Variants in DEPTOR observed in about 807,000 individuals in gnomAD.
The protein encoded by DEPTOR is DEP domain containing MTOR interacting protein.
Under a neutral mutation model 41.6 loss-of-function variants are expected in DEPTOR, and 41 were observed. That is an observed-to-expected ratio of 0.98 (90% CI 0.77 to 1.28). The LOEUF is 1.28. Ranked by LOEUF, DEPTOR falls within the 50% of genes most tolerant of loss-of-function variation. The pLI is 0.00. For missense variants in DEPTOR, 514 were observed against 527.9 expected (o/e 0.97, Z 0.26); for synonymous variants, 195 against 192.3 (o/e 1.01, Z -0.12).
At chr8:119,931,757 G>T (rs1339114228) in intron 3 of DEPTOR, among the ~76,000 whole-genome samples, 1 of 152,006 alleles carries the variant, frequency 6.6e-6, no homozygotes, top group East Asian at 1.9e-4. Context: ...TTGTTTACTT[G>T]AACATGTGCA....
intron 1 of DEPTOR, chr8:119,874,174 G>A (rs1827202672): frequency 3.9e-6 from 3 of 775,212 alleles, no homozygotes; most frequent in South Asian, 4.1e-5. Context: ...AAGCGGGGCT[G>A]CCTGGCAGAA....
chr8:120,023,224 T>A (rs1468588718), intron 8 of DEPTOR, among the ~76,000 whole-genome samples: 1 of 152,028 alleles, frequency 6.6e-6, no homozygotes, highest in African/African-American at 2.4e-5. Context: ...TAACTTTAAT[T>A]ACTTTCTTTT....
chr8:119,956,739 T>G (rs151013168), intron 3 of DEPTOR, among the ~76,000 whole-genome samples: 128 of 106,678 alleles, frequency 1.2e-3, no homozygotes, highest in African/African-American at 4.4e-3. Flanking sequence ...TTTTTTTTTT[T>G]GTTTTTTTTT....
chr8:120,048,516 C>T (rs543978653), intron 8 of DEPTOR, among the ~76,000 whole-genome samples: 191 of 152,130 alleles, frequency 1.3e-3, no homozygotes, highest in Non-Finnish European at 2.2e-3. Flanking sequence ...TTTGTGGAAC[C>T]AAGAAAAGAG....
intron 3 of DEPTOR, among the ~76,000 whole-genome samples, chr8:119,935,271 C>T (rs925637401): frequency 6.6e-6 from 1 of 152,140 alleles, no homozygotes; most frequent in Non-Finnish European, 1.5e-5. Context: ...CCAAACAGTA[C>T]AATTTTTACT....
chr8:119,947,481 T>G (rs983528913), intron 3 of DEPTOR, among the ~76,000 whole-genome samples: 1 of 152,168 alleles, frequency 6.6e-6, no homozygotes, highest in African/African-American at 2.4e-5. Flanking sequence ...CTTTTTCCCA[T>G]CGACCCTAGA....
intron 1 of DEPTOR, among the ~76,000 whole-genome samples, chr8:119,901,057 GATTTTAAGA>G (rs1479018539): frequency 6.6e-6 from 1 of 152,162 alleles, no homozygotes; most frequent in Non-Finnish European, 1.5e-5. Flanking sequence ...AAGACTCAGA[GATTTTAAGA>G]ATTGAATCTC....
chr8:119,950,241 T>G (rs905612387), intron 3 of DEPTOR, among the ~76,000 whole-genome samples: 4 of 152,150 alleles, frequency 2.6e-5, no homozygotes, highest in African/African-American at 9.7e-5. Flanking sequence ...TAAAACACCT[T>G]GGTTGAATAA....
intron 4 of DEPTOR, among the ~76,000 whole-genome samples, chr8:120,000,574 T>A (rs1206356936): frequency 1.3e-5 from 2 of 151,986 alleles, no homozygotes; most frequent in Non-Finnish European, 2.9e-5. Flanking sequence ...GTGATTCTTA[T>A]GCCTCAGCCT....
chr8:120,031,634 A>G (rs932658097), intron 8 of DEPTOR, among the ~76,000 whole-genome samples: 2 of 152,000 alleles, frequency 1.3e-5, no homozygotes, highest in African/African-American at 4.8e-5. Flanking sequence ...CCCAGACATC[A>G]GTGCCAGCAC....
chr8:119,882,805 T>C (rs1017158110), intron 1 of DEPTOR, among the ~76,000 whole-genome samples: 4 of 152,126 alleles, frequency 2.6e-5, no homozygotes, highest in African/African-American at 9.7e-5. Context: ...GATTAGGAAA[T>C]GACAAAGGAA....
At chr8:119,991,030 T>TTTTCTTTTCTTTTCTTTC (rs1812150925) in intron 4 of DEPTOR, among the ~76,000 whole-genome samples, 1 of 53,698 alleles carries the variant, frequency 1.9e-5, no homozygotes, top group South Asian at 5.5e-4. Flanking sequence ...TCGGGTTTTC[T>TTTTCTTTTCTTTTCTTTC]TTTCTTTCTT....
At chr8:120,030,616 C>T (rs1484994337) in intron 8 of DEPTOR, among the ~76,000 whole-genome samples, 1 of 143,500 alleles carries the variant, frequency 7.0e-6, no homozygotes, top group African/African-American at 2.6e-5. Flanking sequence ...AAGCAATTCT[C>T]ATGCCTCAGA....
chr8:120,015,069 G>T (rs1277179191), intron 8 of DEPTOR, among the ~76,000 whole-genome samples: 15 of 152,050 alleles, frequency 9.9e-5, no homozygotes, highest in Admixed American at 9.8e-4. Flanking sequence ...TGCCTCTCAA[G>T]AAAATCTAAT....
intron 4 of DEPTOR, among the ~76,000 whole-genome samples, chr8:119,980,781 G>T (rs1197014265): frequency 6.6e-6 from 1 of 151,686 alleles, no homozygotes; most frequent in Non-Finnish European, 1.5e-5. Context: ...GCCTTCCAAA[G>T]TGCTGGGATT....
chr8:119,917,978 T>C lies in DEPTOR; in HGVS notation c.123-10422T>C, dbSNP rs537305083. On this transcript the variant is annotated intron_variant, in intron 1 of 8. Coordinates refer to ENST00000286234, the MANE Select transcript of DEPTOR (RefSeq NM_022783.4). Reference sequence around the variant, plus strand: ...GCACAGCACTTAATTCTTTACCTTGTTTATGATGCAGAGAACTTTGTTCAT... The same window carrying C: ...GCACAGCACTTAATTCTTTACCTTGCTTATGATGCAGAGAACTTTGTTCAT... Among the ~76,000 whole-genome samples, 10 of 152,324 alleles carry C rather than the reference T, an allele frequency of 6.6e-5. No homozygotes were observed. In the East Asian group the frequency reaches 1.7e-3, roughly 26 times the overall value.
intron 1 of DEPTOR, among the ~76,000 whole-genome samples, chr8:119,912,364 G>A (rs1023010226): frequency 9.2e-5 from 14 of 152,184 alleles, no homozygotes; most frequent in Non-Finnish European, 1.5e-4. Flanking sequence ...ACCTGTTTCA[G>A]TTACATAATC....
At chr8:120,019,393 A>T (rs1472174433) in intron 8 of DEPTOR, among the ~76,000 whole-genome samples, 1 of 152,186 alleles carries the variant, frequency 6.6e-6, no homozygotes. Flanking sequence ...GTCACTCTCA[A>T]TCAGAACACA....
chr8:120,044,694 C>A (rs1813129705), intron 8 of DEPTOR, among the ~76,000 whole-genome samples: 1 of 152,142 alleles, frequency 6.6e-6, no homozygotes, highest in Admixed American at 6.5e-5. Flanking sequence ...AGCTGGATAA[C>A]CAAAAACCAA....
Sources: allele counts gnomAD v4.1 joint callset (sites outside exome capture counted in the v4.1 genomes callset), GRCh38; gene constraint gnomAD v4.1.1; transcripts MANE v1.5; gene names NCBI Gene and HGNC (gene_info 2026-07-23, HGNC 2026-07-21).